The following RSRC1 variants were observed in gnomAD, a reference collection of about 807,000 sequenced individuals.
RSRC1 encodes arginine and serine rich coiled-coil 1.
Under a neutral mutation model 49.1 loss-of-function variants are expected in RSRC1, and 39 were observed. That is an observed-to-expected ratio of 0.79 (90% CI 0.61 to 1.04). The LOEUF (loss-of-function observed/expected upper bound fraction) is 1.04, where lower values mean the gene tolerates loss of function less well. Ranked by LOEUF, RSRC1 falls within the 50% of genes least tolerant of loss-of-function variation. The probability of loss-of-function intolerance (pLI) is 0.00; values close to 1 mark genes in which losing one functional copy is unlikely to be tolerated. For missense variants in RSRC1, 388 were observed against 402.4 expected, an observed-to-expected ratio of 0.96 and a Z score of 0.31; for synonymous variants, 143 against 130.8, an observed-to-expected ratio of 1.09 and a Z score of -0.63.
chr3:158,415,254 A>G (rs1308523138), intron 6 of RSRC1, among the ~76,000 whole-genome samples: 1 of 152,082 alleles, frequency 6.6e-6, no homozygotes, highest in South Asian at 2.1e-4. Context: ...GTTGTCAAGC[A>G]CTAATTTTGT....
intron 6 of RSRC1, among the ~76,000 whole-genome samples, chr3:158,390,588 C>T (rs1733226773): frequency 6.6e-6 from 1 of 152,048 alleles, no homozygotes; most frequent in African/African-American, 2.4e-5. Flanking sequence ...ATTATACTAA[C>T]TACATAGAAT....
intron 5 of RSRC1, among the ~76,000 whole-genome samples, chr3:158,344,473 A>G (rs1390266115): frequency 3.9e-5 from 6 of 152,194 alleles, no homozygotes; most frequent in African/African-American, 1.2e-4. Context: ...TAAAATACCA[A>G]AAGAAAAGTT....
chr3:158,327,602 T>C (rs2108185383), intron 5 of RSRC1, among the ~76,000 whole-genome samples: 1 of 152,216 alleles, frequency 6.6e-6, no homozygotes, highest in African/African-American at 2.4e-5. Context: ...AGAGACAGTT[T>C]GTTATAATTT....
chr3:158,365,675 G>A (rs906397819), intron 6 of RSRC1, among the ~76,000 whole-genome samples: 1 of 152,152 alleles, frequency 6.6e-6, no homozygotes, highest in Admixed American at 6.5e-5. Context: ...TAATGGGATT[G>A]CTGGGTCAAA....
chr3:158,488,315 CTTTG>C (rs1202631128), intron 7 of RSRC1, among the ~76,000 whole-genome samples: 1 of 151,972 alleles, frequency 6.6e-6, no homozygotes, highest in Non-Finnish European at 1.5e-5. Context: ...TAATTGACAG[CTTTG>C]TTTTTCTTAC....
At chr3:158,302,808 C>G (rs1727637774) in intron 5 of RSRC1, 1 of 151,650 alleles carries the variant, frequency 6.6e-6, no homozygotes, top group African/African-American at 2.4e-5. Context: ...ACTGCAGGCA[C>G]CGGCCACCAT....
At chr3:158,501,666 C>T (rs964838577) in intron 7 of RSRC1, among the ~76,000 whole-genome samples, 1 of 152,240 alleles carries the variant, frequency 6.6e-6, no homozygotes, top group South Asian at 2.1e-4. Flanking sequence ...ATAAGAATAG[C>T]TACCCCTGCT....
intron 4 of RSRC1, among the ~76,000 whole-genome samples, chr3:158,285,957 G>A (rs1350888059): frequency 6.6e-6 from 1 of 152,134 alleles, no homozygotes; most frequent in Non-Finnish European, 1.5e-5. Context: ...TTTCACCTTT[G>A]CTTGTTTGCT....
At chr3:158,414,598 T>A (rs759834247) in intron 6 of RSRC1, among the ~76,000 whole-genome samples, 2 of 151,984 alleles carry the variant, frequency 1.3e-5, no homozygotes, top group Non-Finnish European at 2.9e-5. Context: ...GGCACGCACC[T>A]GTAGTCCCAG....
chr3:158,397,456 C>T (rs1437539515), intron 6 of RSRC1, among the ~76,000 whole-genome samples: 1 of 152,062 alleles, frequency 6.6e-6, no homozygotes, highest in East Asian at 1.9e-4. Flanking sequence ...ACCATTTGAC[C>T]TACTTAGCCG....
chr3:158,460,226 C>T (rs1255877687), intron 6 of RSRC1, among the ~76,000 whole-genome samples: 3 of 151,802 alleles, frequency 2.0e-5, no homozygotes, highest in Admixed American at 6.6e-5. Context: ...AAAGGAGAAT[C>T]GCTCCTTTGA....
intron 9 of RSRC1, chr3:158,543,749 CTTT>C (rs34676157): frequency 1.7e-3 from 434 of 258,608 alleles, no homozygotes; most frequent in Middle Eastern, 3.5e-3. Flanking sequence ...GCATTTTTTC[CTTT>C]TTTTTTTTTT....
intron 6 of RSRC1, among the ~76,000 whole-genome samples, chr3:158,383,539 A>G (rs973318395): frequency 6.6e-6 from 1 of 152,158 alleles, no homozygotes; most frequent in African/African-American, 2.4e-5. Context: ...AGGGAAAATC[A>G]TGAAGTTGCA....
At chr3:158,509,864 T>A (rs948005955) in intron 7 of RSRC1, among the ~76,000 whole-genome samples, 2 of 152,186 alleles carry the variant, frequency 1.3e-5, no homozygotes, top group Non-Finnish European at 2.9e-5. Context: ...TTATTTCAGA[T>A]TTTTTGCTAT....
chr3:158,251,345 T>A (rs527309612), intron 4 of RSRC1, among the ~76,000 whole-genome samples: 2 of 152,312 alleles, frequency 1.3e-5, no homozygotes, highest in Non-Finnish European at 1.5e-5. Flanking sequence ...TTTTTCTATT[T>A]CTTCAAAAAA....
chr3:158,164,237 A>G (rs1385982988), intron 3 of RSRC1, among the ~76,000 whole-genome samples: 1 of 152,142 alleles, frequency 6.6e-6, no homozygotes, highest in Non-Finnish European at 1.5e-5. Flanking sequence ...GAGCAAACGC[A>G]AATTACAGAG....
At chr3:158,231,688 C>A (rs1227036100) in intron 4 of RSRC1, among the ~76,000 whole-genome samples, 2 of 152,008 alleles carry the variant, frequency 1.3e-5, no homozygotes. Flanking sequence ...ATCAAAGCAA[C>A]AAGCAGTAAT....
chr3:158,165,631 C>T (rs187334726), intron 3 of RSRC1, among the ~76,000 whole-genome samples: 10 of 152,278 alleles, frequency 6.6e-5, no homozygotes, highest in Non-Finnish European at 8.8e-5. Context: ...GTAGTCCAAG[C>T]GAAGTTTTGC....
intron 3 of RSRC1, among the ~76,000 whole-genome samples, chr3:158,166,709 TTAGTC>T (rs1378910610): frequency 1.3e-5 from 2 of 152,292 alleles, no homozygotes; most frequent in Admixed American, 6.5e-5. Flanking sequence ...ACTGTGGACT[TTAGTC>T]TATTGTTTCA....
Sources: gnomAD v4.1 joint callset for allele counts (sites outside exome capture counted in the v4.1 genomes callset) on GRCh38, gnomAD v4.1.1 for gene constraint, MANE v1.5 for transcripts, NCBI Gene and HGNC (gene_info 2026-07-23, HGNC 2026-07-21) for gene names.